Variants in MOB3B observed in about 807,000 individuals in gnomAD.
The protein encoded by MOB3B is MOB kinase activator-like 2B.
In MOB3B, 7 loss-of-function variants were observed where a neutral mutation model predicts 18.7. The observed-to-expected ratio is 0.37, with a 90% CI of 0.21 to 0.70. The LOEUF (loss-of-function observed/expected upper bound fraction) is 0.70, where lower values mean the gene tolerates loss of function less well. MOB3B is among the 30% of genes least tolerant of loss of function. The pLI, the probability that MOB3B is intolerant of heterozygous loss-of-function variation, is 0.52. For synonymous variants in MOB3B, 111 were observed against 99.9 expected, an observed-to-expected ratio of 1.11 and a Z score of -0.66; for missense variants, 253 against 281.3, an observed-to-expected ratio of 0.90 and a Z score of 0.72.
intron 1 of MOB3B, among the ~76,000 whole-genome samples, chr9:27,528,429 C>T (rs1021483563): frequency 7.9e-5 from 12 of 152,370 alleles, no homozygotes; most frequent in African/African-American, 2.6e-4. Flanking sequence ...TGAGCCTTTG[C>T]GGCGCGCCTG....
At position 27,529,642 on chromosome 9, in the gene MOB3B, G is replaced by C; in HGVS notation, c.-286C>G. 1.0e-6 allele frequency: 1 copy of C among 985,534 alleles called. No individual in the cohort carries two copies. The highest frequency in any genetic ancestry group is 1.2e-6 in the Non-Finnish European group (1 of 830,000). The allele number at this position is 985,534 out of a possible 1,614,324, so 61.0% of individuals were successfully genotyped here. ...GCGCGAAAGAAAATGGTGAGCTCGG[G>C]GCAGGTGGGGCGTCGCTTGCCAATC... On this transcript the variant is annotated 5_prime_UTR_variant, in exon 1 of 4. Transcript: ENST00000262244.
intron 2 of MOB3B, among the ~76,000 whole-genome samples, chr9:27,431,156 T>C (rs1822411386): frequency 6.6e-6 from 1 of 152,198 alleles, no homozygotes; most frequent in Non-Finnish European, 1.5e-5. Flanking sequence ...TAAAACAGTA[T>C]TCTTTATATT....
intron 3 of MOB3B, among the ~76,000 whole-genome samples, chr9:27,351,567 G>A (rs1306480886): frequency 2.0e-5 from 3 of 152,226 alleles, no homozygotes; most frequent in South Asian, 2.1e-4. Flanking sequence ...CAAGGAAGCC[G>A]CCTGACAAGA....
chr9:27,325,568 A>T lies in MOB3B; in HGVS notation c.*5019T>A, dbSNP rs920277466. On this transcript the variant is annotated 3_prime_UTR_variant, in exon 4 of 4. Coordinates refer to ENST00000262244, the MANE Select transcript of MOB3B (RefSeq NM_024761.5). ...TGTCCAGAGGGAAACAGCCTGTTAT[A>T]AAAGCTTTCTGTTAATATATTTTTT... 1.8e-4 allele frequency: 27 copies of T among 152,328 alleles called. No homozygotes were observed. Among genetic ancestry groups the T allele is most frequent in the African/African-American group, 6.5e-4 (27 of 41,572 alleles). 9.4% of individuals were successfully genotyped at this position (152,328 alleles called of 1,614,324 possible).
intron 2 of MOB3B, among the ~76,000 whole-genome samples, chr9:27,395,116 G>T (rs985290781): frequency 1.3e-5 from 2 of 152,206 alleles, no homozygotes; most frequent in Non-Finnish European, 2.9e-5. Context: ...CATCTGTGGA[G>T]TCATTAAGTC....
chr9:27,325,930 G>A lies in MOB3B; in HGVS notation c.*4657C>T, dbSNP rs1282800599. 3 of 145,940 alleles carry A rather than the reference G, an allele frequency of 2.1e-5. No individual in the cohort carries two copies. The highest frequency in any genetic ancestry group is 1.4e-4 in the Admixed American group (2 of 14,732). The allele number at this position is 145,940 out of a possible 1,614,324, so 9.0% of individuals were successfully genotyped here. ...CATAAATCAGCACAAAAAGATAAGT[G>A]TAATTCTATTCAAGTCCCTTAATGT... On this transcript the variant is annotated 3_prime_UTR_variant, in exon 4 of 4. Transcript: ENST00000262244.
At chr9:27,503,517 C>T (rs1010732685) in intron 1 of MOB3B, among the ~76,000 whole-genome samples, 1 of 152,166 alleles carries the variant, frequency 6.6e-6, no homozygotes. Context: ...CTGCCTTCTC[C>T]GTCAGCAGCA....
chr9:27,371,970 T>C (rs12001565), intron 2 of MOB3B, among the ~76,000 whole-genome samples: 55,582 of 152,020 alleles, frequency 0.37, 10,393 homozygotes, highest in South Asian at 0.4. Flanking sequence ...GTTGACTCTA[T>C]AAGCTGACAG....
chr9:27,489,536 G>C (rs1007234078), intron 1 of MOB3B, among the ~76,000 whole-genome samples: 2 of 152,130 alleles, frequency 1.3e-5, no homozygotes, highest in African/African-American at 4.8e-5. Flanking sequence ...AGAGAGAAAG[G>C]CTATGTTGCT....
intron 2 of MOB3B, among the ~76,000 whole-genome samples, chr9:27,364,673 A>C (rs1216216443): frequency 6.6e-6 from 1 of 152,202 alleles, no homozygotes; most frequent in Non-Finnish European, 1.5e-5. Flanking sequence ...ATATCCCTTA[A>C]AGAAAAATGG....
intron 1 of MOB3B, among the ~76,000 whole-genome samples, chr9:27,491,579 A>G (rs1042781602): frequency 2.0e-5 from 3 of 152,312 alleles, no homozygotes; most frequent in Admixed American, 6.5e-5. Context: ...AATTCCTTAA[A>G]AATCAATATA....
chr9:27,446,998 T>A (rs942134785), intron 2 of MOB3B, among the ~76,000 whole-genome samples: 3 of 94,682 alleles, frequency 3.2e-5, no homozygotes, highest in African/African-American at 4.8e-5. Context: ...AATAGGAAAT[T>A]AGCATGAATT....
intron 1 of MOB3B, chr9:27,524,878 G>A (rs1311134185): frequency 6.2e-7 from 1 of 1,613,566 alleles, no homozygotes; most frequent in Non-Finnish European, 8.5e-7. Flanking sequence ...TACAGTGACT[G>A]TGCCTGGGAG....
intron 1 of MOB3B, among the ~76,000 whole-genome samples, chr9:27,474,846 C>G (rs545588810): frequency 2.6e-5 from 4 of 152,168 alleles, no homozygotes; most frequent in African/African-American, 9.7e-5. Flanking sequence ...GCAAACCCAC[C>G]TTTAACAATC....
chr9:27,502,936 C>T (rs1411413084), intron 1 of MOB3B, among the ~76,000 whole-genome samples: 3 of 152,196 alleles, frequency 2.0e-5, no homozygotes, highest in Non-Finnish European at 4.4e-5. Context: ...CTCTATTATC[C>T]TGTTCATCTC....
chr9:27,405,093 CTTTTTTTTTTTTTTTTTT>C (rs74178386), intron 2 of MOB3B, among the ~76,000 whole-genome samples: 4 of 48,370 alleles, frequency 8.3e-5, no homozygotes, highest in Non-Finnish European at 1.0e-4. Context: ...GAACCTTTGT[CTTTTTTTTTTTTTTTTTT>C]TTTTTTTTTT....
At chr9:27,417,237 A>G (rs1822165201) in intron 2 of MOB3B, among the ~76,000 whole-genome samples, 1 of 152,042 alleles carries the variant, frequency 6.6e-6, no homozygotes, top group Non-Finnish European at 1.5e-5. Flanking sequence ...GGTGGCGGGC[A>G]CCTGTAGTCC....
chr9:27,441,152 C>A (rs1337024781), intron 2 of MOB3B, among the ~76,000 whole-genome samples: 2 of 152,172 alleles, frequency 1.3e-5, no homozygotes, highest in African/African-American at 4.8e-5. Flanking sequence ...ATGACTTCCA[C>A]CAACAAATGT....
intron 1 of MOB3B, among the ~76,000 whole-genome samples, chr9:27,510,118 T>G (rs1820121614): frequency 6.6e-6 from 1 of 152,192 alleles, no homozygotes; most frequent in Non-Finnish European, 1.5e-5. Flanking sequence ...CTCCAGTTGT[T>G]CCAACTTTCA....
Sources: gnomAD v4.1 joint callset for allele counts (sites outside exome capture counted in the v4.1 genomes callset) on GRCh38, gnomAD v4.1.1 for gene constraint, MANE v1.5 for transcripts, NCBI Gene and HGNC (gene_info 2026-07-23, HGNC 2026-07-21) for gene names.